MCUB: variants seen among roughly 807,000 people sequenced by gnomAD.
The protein encoded by MCUB is calcium uniporter regulatory subunit MCUb, mitochondrial.
MCUB carries 46 observed loss-of-function variants against 41.4 expected under a neutral mutation model. That is an observed-to-expected ratio of 1.11 (90% CI 0.88 to 1.42). The LOEUF (loss-of-function observed/expected upper bound fraction) is 1.42, where lower values mean the gene tolerates loss of function less well. Among genes scored for constraint, MCUB ranks in the 40% most tolerant of loss-of-function variants. MCUB has a pLI of 0.00. For synonymous variants in MCUB, 148 were observed against 148.2 expected (o/e 1.00, Z 0.01); for missense variants, 403 against 404.9 (o/e 1.00, Z 0.04).
chr4:109,668,552 G>A (rs2126146963), intron 4 of MCUB, among the ~76,000 whole-genome samples: 1 of 152,002 alleles, frequency 6.6e-6, no homozygotes, highest in East Asian at 1.9e-4. Context: ...GTTTCTTATA[G>A]ACAATATATA....
At chr4:109,605,870 G>A (rs1183257835) in intron 1 of MCUB, among the ~76,000 whole-genome samples, 1 of 152,120 alleles carries the variant, frequency 6.6e-6, no homozygotes, top group Non-Finnish European at 1.5e-5. Context: ...CATTAGCATG[G>A]AATATCTTTT....
intron 4 of MCUB, among the ~76,000 whole-genome samples, chr4:109,679,194 T>G (rs1729657932): frequency 6.6e-6 from 1 of 150,866 alleles, no homozygotes; most frequent in Non-Finnish European, 1.5e-5. Flanking sequence ...ACTCCTCACA[T>G]CCCAGACGAT....
At chr4:109,662,086 A>T (rs2126145058) in intron 3 of MCUB, among the ~76,000 whole-genome samples, 1 of 152,204 alleles carries the variant, frequency 6.6e-6, no homozygotes, top group South Asian at 2.1e-4. Flanking sequence ...AGAAAGGAGG[A>T]GTTCTGAGAG....
intron 4 of MCUB, chr4:109,674,160 T>C (rs1579094841): frequency 1.0e-6 from 1 of 977,882 alleles, no homozygotes; most frequent in Middle Eastern, 3.1e-4. Flanking sequence ...GAGCTTGCTT[T>C]AGTTAGACGT....
intron 1 of MCUB, among the ~76,000 whole-genome samples, chr4:109,589,186 C>T (rs74381425): frequency 0.018 from 2,748 of 152,310 alleles, 61 homozygotes; most frequent in South Asian, 0.072. Context: ...GGTCTTTACT[C>T]AGTTCTTTTG....
Position 109,688,665 on chromosome 4 carries a change from C to T in MCUB, c.*1073C>T, listed in dbSNP as rs1173013894. 6.6e-6 allele frequency: 1 copy of T among 151,954 alleles called. No individual in the cohort carries two copies. The highest frequency in any genetic ancestry group is 2.4e-5 in the African/African-American group (1 of 41,356). The allele number at this position is 151,954 out of a possible 1,614,324, so 9.4% of individuals were successfully genotyped here. ...ATTTTATTAAGGGATGATTTAATTC[C>T]TGGATTTCAAAAACCTTTAAAAACA... On this transcript the variant is annotated 3_prime_UTR_variant, in exon 8 of 8. Transcript: ENST00000394650.
chr4:109,574,451 G>C (rs1726983169), intron 1 of MCUB, among the ~76,000 whole-genome samples: 1 of 152,172 alleles, frequency 6.6e-6, no homozygotes, highest in African/African-American at 2.4e-5. Flanking sequence ...TGCCAACACA[G>C]CTAGAGCCTG....
chr4:109,661,628 C>T (rs1212911987), intron 3 of MCUB, among the ~76,000 whole-genome samples: 1 of 151,798 alleles, frequency 6.6e-6, no homozygotes, highest in Admixed American at 6.6e-5. Flanking sequence ...ATAAGTGTTA[C>T]GAAGAAAAAT....
chr4:109,598,238 G>A (rs924382828), intron 1 of MCUB, among the ~76,000 whole-genome samples: 2 of 151,278 alleles, frequency 1.3e-5, no homozygotes, highest in South Asian at 2.1e-4. Context: ...GGAGGCCAAG[G>A]CAGGCGGCTG....
intron 1 of MCUB, among the ~76,000 whole-genome samples, chr4:109,657,865 A>G (rs1438308482): frequency 1.3e-5 from 2 of 152,262 alleles, no homozygotes; most frequent in Non-Finnish European, 2.9e-5. Flanking sequence ...ACTTTCTGTG[A>G]TGATAGAAAT....
chr4:109,569,147 C>T (rs1021241722), intron 1 of MCUB, among the ~76,000 whole-genome samples: 4 of 150,996 alleles, frequency 2.6e-5, no homozygotes, highest in East Asian at 2.0e-4. Flanking sequence ...CCCGGGTTCA[C>T]GCCATTCTCC....
At position 109,687,849 on chromosome 4, in the gene MCUB, C is replaced by T; in HGVS notation, c.*257C>T. 1 of 439,894 alleles carries T rather than the reference C, an allele frequency of 2.3e-6. No homozygotes were observed. The highest frequency in any genetic ancestry group is 4.0e-6 in the Non-Finnish European group (1 of 248,012). The allele number at this position is 439,894 out of a possible 1,614,324, so 27.2% of individuals were successfully genotyped here. On this transcript the variant is annotated 3_prime_UTR_variant, in exon 8 of 8. Transcript: ENST00000394650. ...AGCTAAAAATCCTTGTCAGCTTGTC[C>T]CACGTTTATTCTCTATGTGGAGGTG...
At chr4:109,658,374 G>A (rs531269058) in intron 1 of MCUB, among the ~76,000 whole-genome samples, 71 of 151,744 alleles carry the variant, frequency 4.7e-4, no homozygotes, top group Admixed American at 3.5e-3. Context: ...CTTGGCTCAC[G>A]GCAAACTCCA....
At chr4:109,575,168 G>A (rs1240215329) in intron 1 of MCUB, among the ~76,000 whole-genome samples, 1 of 152,100 alleles carries the variant, frequency 6.6e-6, no homozygotes, top group Non-Finnish European at 1.5e-5. Flanking sequence ...AAACCACTGA[G>A]GTTTGGAGAT....
chr4:109,593,972 T>G (rs986478686), intron 1 of MCUB, among the ~76,000 whole-genome samples: 3 of 152,162 alleles, frequency 2.0e-5, no homozygotes, highest in Non-Finnish European at 4.4e-5. Context: ...AGTCCAAGGG[T>G]AATGTTAGCA....
At chr4:109,624,963 A>T (rs921445481) in intron 1 of MCUB, among the ~76,000 whole-genome samples, 1 of 151,444 alleles carries the variant, frequency 6.6e-6, no homozygotes, top group Non-Finnish European at 1.5e-5. Flanking sequence ...AACATGGTGA[A>T]CCCCCGCCTC....
intron 6 of MCUB, 65 bp downstream of exon 6, chr4:109,684,711 A>G: frequency 1.3e-6 from 1 of 771,772 alleles, no homozygotes; most frequent in Non-Finnish European, 2.2e-6. Flanking sequence ...TATCTAAGCA[A>G]TGAGCAAAAA....
intron 1 of MCUB, among the ~76,000 whole-genome samples, chr4:109,566,164 ATTT>A (rs567818451): frequency 5.8e-4 from 86 of 147,468 alleles, no homozygotes; most frequent in African/African-American, 2.1e-3. Flanking sequence ...CCAAATTTCA[ATTT>A]CTTTTGAAAG....
At chr4:109,635,272 T>C (rs544806788) in intron 1 of MCUB, among the ~76,000 whole-genome samples, 2 of 152,300 alleles carry the variant, frequency 1.3e-5, no homozygotes, top group Admixed American at 6.5e-5. Flanking sequence ...TACGTGTGCA[T>C]GTGTCTTTAT....
Sources: allele counts gnomAD v4.1 joint callset (sites outside exome capture counted in the v4.1 genomes callset), GRCh38; gene constraint gnomAD v4.1.1; transcripts MANE v1.5; gene names NCBI Gene and HGNC (gene_info 2026-07-23, HGNC 2026-07-21).